Variants in ADAMTS17 observed in about 807,000 individuals in gnomAD.
ADAMTS17 encodes the protein A disintegrin and metalloproteinase with thrombospondin motifs 17.
A neutral mutation model predicts 141.5 loss-of-function variants in ADAMTS17; 113 were observed. The observed-to-expected ratio is 0.80, with a 90% CI of 0.69 to 0.93. The LOEUF is 0.93. Ranked by LOEUF, ADAMTS17 falls within the 40% of genes least tolerant of loss-of-function variation. The probability of loss-of-function intolerance (pLI) is 0.00; values close to 1 mark genes in which losing one functional copy is unlikely to be tolerated. For missense variants in ADAMTS17, 1,659 were observed against 1,517.9 expected (o/e 1.09, Z -1.54); for synonymous variants, 768 against 630.6 (o/e 1.22, Z -3.27).
chr15:100,291,076 C>T (rs2044609412), intron 3 of ADAMTS17, among the ~76,000 whole-genome samples: 1 of 152,124 alleles, frequency 6.6e-6, no homozygotes, highest in Non-Finnish European at 1.5e-5. Flanking sequence ...AACCCACAGA[C>T]TGAGAGGAAA....
chr15:100,012,505 T>C (rs2061206335), intron 18 of ADAMTS17, among the ~76,000 whole-genome samples: 1 of 152,256 alleles, frequency 6.6e-6, no homozygotes, highest in Non-Finnish European at 1.5e-5. Context: ...TCTAGAATTT[T>C]TATAGTTTCA....
intron 10 of ADAMTS17, among the ~76,000 whole-genome samples, chr15:100,143,437 GT>G (rs1182774749): frequency 6.6e-6 from 1 of 152,164 alleles, no homozygotes; most frequent in East Asian, 1.9e-4. Context: ...ATTGCATAAA[GT>G]TTATTTCCCC....
chr15:100,128,082 G>A (rs1471086573), intron 12 of ADAMTS17, among the ~76,000 whole-genome samples: 1 of 152,136 alleles, frequency 6.6e-6, no homozygotes, highest in Non-Finnish European at 1.5e-5. Context: ...GGACTCAGTG[G>A]CTTTGGACTC....
chr15:100,033,578 T>C (rs2141496596), intron 18 of ADAMTS17, among the ~76,000 whole-genome samples: 1 of 152,318 alleles, frequency 6.6e-6, no homozygotes, highest in Non-Finnish European at 1.5e-5. Context: ...TTCCTTCTTC[T>C]GGTGAGAGGT....
At chr15:100,081,058 G>T (rs898330498) in intron 15 of ADAMTS17, among the ~76,000 whole-genome samples, 6 of 152,178 alleles carry the variant, frequency 3.9e-5, no homozygotes, top group Non-Finnish European at 7.3e-5. Context: ...GTTGCCAAAA[G>T]AGTTTAACAT....
chr15:100,030,053 G>T (rs2573588), intron 18 of ADAMTS17, among the ~76,000 whole-genome samples: 23,800 of 152,128 alleles, frequency 0.16, 5,364 homozygotes, highest in African/African-American at 0.5. Flanking sequence ...GCCTTGCTTC[G>T]GATCAGCTCT....
At chr15:100,251,540 A>G (rs552802658) in intron 7 of ADAMTS17, among the ~76,000 whole-genome samples, 167 of 152,360 alleles carry the variant, frequency 1.1e-3, no homozygotes, top group African/African-American at 4.0e-3. Flanking sequence ...CCTGGCTAAC[A>G]TGGTGAAAAC....
chr15:100,120,825 A>G (rs777568189), intron 12 of ADAMTS17, among the ~76,000 whole-genome samples: 11 of 152,264 alleles, frequency 7.2e-5, no homozygotes, highest in Non-Finnish European at 1.5e-4. Flanking sequence ...CAAGGCATAC[A>G]AAGAAACAGA....
At chr15:100,324,323 A>G (rs1393819484) in intron 3 of ADAMTS17, among the ~76,000 whole-genome samples, 1 of 151,604 alleles carries the variant, frequency 6.6e-6, no homozygotes, top group Non-Finnish European at 1.5e-5. Context: ...AAATAAATAG[A>G]AAAAAAAAGC....
intron 3 of ADAMTS17, chr15:100,306,274 C>T (rs1418508113): frequency 8.7e-6 from 3 of 343,402 alleles, no homozygotes; most frequent in Non-Finnish European, 1.7e-5. Context: ...TTTCTAACCG[C>T]TTCAGCCAAC....
intron 15 of ADAMTS17, among the ~76,000 whole-genome samples, chr15:100,094,188 TG>T (rs2035628311): frequency 6.6e-6 from 1 of 152,270 alleles, no homozygotes; most frequent in African/African-American, 2.4e-5. Context: ...TGCTTATTTT[TG>T]CCTGAAGGTT....
chr15:100,082,274 C>T (rs2034792323), intron 15 of ADAMTS17, among the ~76,000 whole-genome samples: 1 of 152,178 alleles, frequency 6.6e-6, no homozygotes, highest in Non-Finnish European at 1.5e-5. Context: ...CCATGTTAGC[C>T]AGGATGGTCT....
intron 14 of ADAMTS17, among the ~76,000 whole-genome samples, chr15:100,106,017 G>C (rs944473661): frequency 2.0e-5 from 3 of 151,144 alleles, no homozygotes; most frequent in Admixed American, 6.6e-5. Context: ...TTTTTTTCAA[G>C]ACATGGTCTC....
chr15:100,323,775 A>G (rs375733053), intron 3 of ADAMTS17, among the ~76,000 whole-genome samples: 16 of 152,342 alleles, frequency 1.1e-4, no homozygotes, highest in East Asian at 7.7e-4. Flanking sequence ...AGAAGACATG[A>G]CTGTGAGTGA....
chr15:100,195,714 T>C (rs977359556), intron 8 of ADAMTS17, among the ~76,000 whole-genome samples: 5 of 148,358 alleles, frequency 3.4e-5, no homozygotes, highest in African/African-American at 1.2e-4. Flanking sequence ...GGAACCCCTC[T>C]CCATGATACG....
At chr15:100,315,437 A>C (rs1281538213) in intron 3 of ADAMTS17, among the ~76,000 whole-genome samples, 8 of 152,270 alleles carry the variant, frequency 5.3e-5, no homozygotes, top group Admixed American at 5.2e-4. Context: ...GTCTCTTAGG[A>C]TCTCCAGTGC....
At chr15:100,184,844 T>C (rs2040651265) in intron 8 of ADAMTS17, among the ~76,000 whole-genome samples, 1 of 152,174 alleles carries the variant, frequency 6.6e-6, no homozygotes. Flanking sequence ...GGGATCTGTA[T>C]GTGGCAGGTA....
intron 14 of ADAMTS17, among the ~76,000 whole-genome samples, chr15:100,099,409 C>G (rs578030886): frequency 1.8e-4 from 28 of 152,320 alleles, no homozygotes; most frequent in African/African-American, 6.7e-4. Context: ...CAAATGGAAG[C>G]TGCCATAGGA....
At chr15:100,074,685 T>C (rs1340419474) in intron 15 of ADAMTS17, among the ~76,000 whole-genome samples, 1 of 152,188 alleles carries the variant, frequency 6.6e-6, no homozygotes, top group African/African-American at 2.4e-5. Flanking sequence ...ATTGTTCTTA[T>C]GCTTCCTTTG....
Sources: gnomAD v4.1 joint callset for allele counts (sites outside exome capture counted in the v4.1 genomes callset) on GRCh38, gnomAD v4.1.1 for gene constraint, MANE v1.5 for transcripts, NCBI Gene and HGNC (gene_info 2026-07-23, HGNC 2026-07-21) for gene names.